The following IL1RAPL2 variants were observed in gnomAD, a reference collection of about 807,000 sequenced individuals.
IL1RAPL2 encodes the protein X-linked interleukin-1 receptor accessory protein-like 2.
A neutral mutation model predicts 44.1 loss-of-function variants in IL1RAPL2; 3 were observed. The ratio of observed to expected loss-of-function variants is 0.07; its 90% CI spans 0.03 to 0.18. The LOEUF (loss-of-function observed/expected upper bound fraction) is 0.18. Among genes scored for constraint, IL1RAPL2 ranks in the 10% least tolerant of loss-of-function variants. IL1RAPL2 has a pLI of 1.00. For missense variants in IL1RAPL2, 391 were observed against 496.4 expected (o/e 0.79, Z 2.02); for synonymous variants, 181 against 178.8 (o/e 1.01, Z -0.10).
intron 1 of IL1RAPL2, among the ~76,000 whole-genome samples, chrX:104,636,013 G>GAT (rs1929795292): frequency 1.8e-5 from 2 of 111,670 alleles, no homozygotes; most frequent in African/African-American, 6.5e-5. Flanking sequence ...ATGTACAGAT[G>GAT]GGGTTTTGGT....
intron 2 of IL1RAPL2, among the ~76,000 whole-genome samples, chrX:104,744,856 T>G (rs1329249509): frequency 1.8e-5 from 2 of 110,820 alleles, no homozygotes; most frequent in African/African-American, 6.5e-5. Context: ...GTGGAATCAA[T>G]TTAAAAAGTG....
At position 104,677,692 on chromosome X, in the gene IL1RAPL2, CA is replaced by C. The variant is rs1930803204; in HGVS notation, c.82+18698del. 2.7e-5 allele frequency among the ~76,000 whole-genome samples: 3 copies of C among 112,404 alleles called. No homozygotes were observed. In the South Asian group the frequency reaches 1.1e-3, roughly 42 times the overall value. ...TAGGCAATGGCGGGCGCCCCTCCCC[CA>C]GCCTCGCTGCCGCCTTGCAGTTTGA... On this transcript the variant is annotated intron_variant, in intron 2 of 10. Coordinates refer to ENST00000372582, the MANE Select transcript of IL1RAPL2 (RefSeq NM_017416.2).
At chrX:104,582,662 TTTC>T (rs1928400657) in intron 1 of IL1RAPL2, among the ~76,000 whole-genome samples, 3 of 88,003 alleles carry the variant, frequency 3.4e-5, no homozygotes, top group Non-Finnish European at 4.5e-5. Flanking sequence ...CTTTCTTTTT[TTTC>T]TTTTTTCTTT....
intron 2 of IL1RAPL2, among the ~76,000 whole-genome samples, chrX:104,776,039 TC>T (rs1026107344): frequency 7.2e-5 from 8 of 111,883 alleles, no homozygotes; most frequent in Non-Finnish European, 1.3e-4. Context: ...CAAGAGTCAT[TC>T]CCAGTGGAGT....
rs370363765 is a variant in IL1RAPL2 at position 105,767,193 on chromosome X, G to A, written c.1593G>A (p.Leu531=). 8.3e-7 allele frequency: 1 copy of A among 1,211,032 alleles called. No homozygotes were observed. Among genetic ancestry groups the A allele is most frequent in the Non-Finnish European group, 1.1e-6 (1 of 894,817 alleles). ...VESLKRSIKL[L]SLIKWKGSKS... is the part of the protein sequence containing the mutation. ...CACTAAAGCGTAGCATCAAACTTCT[G>A]TCCCTGATCAAGTGGAAGGGATCCA... is the stretch of plus-strand genomic sequence containing the variant. Residue 531 remains leucine (L), a synonymous_variant, in exon 11 of 11, where the codon CTG becomes CTA. Coordinates refer to ENST00000372582, the MANE Select transcript of IL1RAPL2 (RefSeq NM_017416.2).
rs1229413201 is a variant in IL1RAPL2, at chrX:105,406,446, A to G, written c.698-77867A>G. 2.5e-6 allele frequency: 3 copies of G among 1,182,396 alleles called. No individual in the cohort carries two copies. The African/African-American group carries it at 5.3e-5, about 21-fold the overall frequency. ...TAACACCTGGAAGTGGCAATAAAGA[A>G]TTCTCAACCACCGGAGGATCATTCA... is the stretch of plus-strand genomic sequence containing the variant. On this transcript the variant is annotated intron_variant, in intron 5 of 10. Coordinates refer to ENST00000372582, the MANE Select transcript of IL1RAPL2 (RefSeq NM_017416.2).
chrX:105,596,544 T>C (rs926223729), intron 6 of IL1RAPL2, among the ~76,000 whole-genome samples: 18 of 112,090 alleles, frequency 1.6e-4, no homozygotes, highest in African/African-American at 5.5e-4. Context: ...TTCAATCTTC[T>C]TAAATTAGTT....
intron 1 of IL1RAPL2, among the ~76,000 whole-genome samples, chrX:104,608,433 G>T (rs1417436703): frequency 9.0e-6 from 1 of 110,694 alleles, no homozygotes; most frequent in African/African-American, 3.3e-5. Context: ...TGACAATGGG[G>T]TGTTAAAGTT....
At chrX:104,758,224 A>G (rs1932372868) in intron 2 of IL1RAPL2, among the ~76,000 whole-genome samples, 1 of 111,826 alleles carries the variant, frequency 8.9e-6, no homozygotes, top group Non-Finnish European at 1.9e-5. Context: ...TTCTTTTTCT[A>G]GTAGCTCCCA....
intron 5 of IL1RAPL2, among the ~76,000 whole-genome samples, chrX:105,444,475 G>A (rs2035941896): frequency 9.0e-6 from 1 of 110,941 alleles, no homozygotes. Flanking sequence ...ATAGTCTGAG[G>A]TTTTAGACAT....
At chrX:105,295,582 A>G (rs1307796661) in intron 5 of IL1RAPL2, among the ~76,000 whole-genome samples, 1 of 111,899 alleles carries the variant, frequency 8.9e-6, no homozygotes, top group Non-Finnish European at 1.9e-5. Flanking sequence ...AAATTTGCAA[A>G]TAGTGTTTTT....
At chrX:104,909,504 A>G (rs1283559017) in intron 2 of IL1RAPL2, among the ~76,000 whole-genome samples, 1 of 111,135 alleles carries the variant, frequency 9.0e-6, no homozygotes, top group Admixed American at 9.6e-5. Flanking sequence ...TATGATGGTG[A>G]TGTACAGATG....
At chrX:105,537,339 T>C (rs1297427129) in intron 6 of IL1RAPL2, among the ~76,000 whole-genome samples, 1 of 111,608 alleles carries the variant, frequency 9.0e-6, no homozygotes, top group Non-Finnish European at 1.9e-5. Context: ...CGTTGACCTA[T>C]ACATGGCTTT....
intron 5 of IL1RAPL2, among the ~76,000 whole-genome samples, chrX:105,370,661 T>C (rs1360048231): frequency 8.9e-6 from 1 of 112,207 alleles, no homozygotes; most frequent in Non-Finnish European, 1.9e-5. Context: ...ATGTCTTTGC[T>C]CTTGTGAACA....
intron 5 of IL1RAPL2, among the ~76,000 whole-genome samples, chrX:105,439,648 T>C (rs929731095): frequency 1.2e-4 from 13 of 111,009 alleles, no homozygotes; most frequent in African/African-American, 4.3e-4. Context: ...TCTTATAAAA[T>C]ATTTTTTGGT....
intron 2 of IL1RAPL2, among the ~76,000 whole-genome samples, chrX:105,092,291 C>T (rs760228691): frequency 5.7e-4 from 64 of 111,640 alleles, no homozygotes; most frequent in African/African-American, 2.0e-3. Flanking sequence ...ACTAGAAAGA[C>T]TCATAGAACT....
intron 5 of IL1RAPL2, among the ~76,000 whole-genome samples, chrX:105,298,269 G>A (rs1254871962): frequency 9.0e-6 from 1 of 111,691 alleles, no homozygotes; most frequent in African/African-American, 3.3e-5. Flanking sequence ...ACCCTTTAAC[G>A]AGCAAGGAGA....
At chrX:105,474,954 C>T (rs1198461162) in intron 5 of IL1RAPL2, among the ~76,000 whole-genome samples, 1 of 110,647 alleles carries the variant, frequency 9.0e-6, no homozygotes, top group African/African-American at 3.3e-5. Flanking sequence ...GTGAGATAGA[C>T]TTTGGTTGAA....
chrX:105,716,147 G>C (rs2038255027), intron 6 of IL1RAPL2, among the ~76,000 whole-genome samples: 1 of 108,913 alleles, frequency 9.2e-6, no homozygotes. Flanking sequence ...TGCTTCCCTT[G>C]ACACAATGGA....
Sources: gnomAD v4.1 joint callset for allele counts (sites outside exome capture counted in the v4.1 genomes callset) on GRCh38, gnomAD v4.1.1 for gene constraint, MANE v1.5 for transcripts, NCBI Gene and HGNC (gene_info 2026-07-23, HGNC 2026-07-21) for gene names.